The following TTC13 variants were observed in gnomAD, a reference collection of about 807,000 sequenced individuals.
TTC13 encodes tetratricopeptide repeat protein 13.
Under a neutral mutation model 120.0 loss-of-function variants are expected in TTC13, and 62 were observed. The ratio of observed to expected loss-of-function variants is 0.52; its 90% confidence interval spans 0.42 to 0.64. TTC13 has a LOEUF of 0.64. Ranked by LOEUF, TTC13 falls within the 30% of genes least tolerant of loss-of-function variation. The pLI is 0.00. For synonymous variants in TTC13, 384 were observed against 393.5 expected, an observed-to-expected ratio of 0.98 and a Z score of 0.28; for missense variants, 824 against 1,050.2, an observed-to-expected ratio of 0.78 and a Z score of 2.98.
At chr1:230,969,231 C>T (rs1677470908) in intron 1 of TTC13, among the ~76,000 whole-genome samples, 1 of 151,742 alleles carries the variant, frequency 6.6e-6, no homozygotes, top group South Asian at 2.1e-4. Context: ...CACTGCACTC[C>T]AGCCTGGGTG....
At chr1:230,953,490 G>A (rs562469441) in intron 4 of TTC13, among the ~76,000 whole-genome samples, 93 of 152,278 alleles carry the variant, frequency 6.1e-4, no homozygotes, top group African/African-American at 2.2e-3. Context: ...CAGGCACTGG[G>A]TACTAAGTAC....
intron 1 of TTC13, among the ~76,000 whole-genome samples, chr1:230,970,829 C>T (rs1007181230): frequency 1.3e-5 from 2 of 152,180 alleles, no homozygotes; most frequent in Non-Finnish European, 2.9e-5. Context: ...AGACAGCACA[C>T]TGAGCTACTT....
intron 1 of TTC13, among the ~76,000 whole-genome samples, chr1:230,964,313 G>C (rs1305650013): frequency 2.0e-5 from 3 of 152,008 alleles, no homozygotes; most frequent in Non-Finnish European, 4.4e-5. Context: ...CAAGTCAAAG[G>C]GTGTGCACAA....
intron 2 of TTC13, 133 bp downstream of exon 2, chr1:230,961,076 G>A (rs1286262165): frequency 5.0e-6 from 3 of 604,682 alleles, no homozygotes; most frequent in South Asian, 4.2e-5. Flanking sequence ...AATACCAGAC[G>A]ACCTATCTTT....
At chr1:230,920,469 T>C in intron 17 of TTC13, 41 bp downstream of exon 17, 1 of 1,436,226 alleles carries the variant, frequency 7.0e-7, no homozygotes. Flanking sequence ...GGTTTTCTTT[T>C]CCTCTAAAAA....
At chr1:230,918,594 G>A (rs1410931317) in intron 17 of TTC13, among the ~76,000 whole-genome samples, 1 of 152,170 alleles carries the variant, frequency 6.6e-6, no homozygotes, top group African/African-American at 2.4e-5. Context: ...TGTTTACTGA[G>A]TCAACGCAGT....
chr1:230,908,413 C>G, intron 22 of TTC13: 1 of 489,022 alleles, frequency 2.0e-6, no homozygotes, highest in Non-Finnish European at 4.0e-6. Context: ...TGGTCTCGAA[C>G]TCCTGGCCTC....
chr1:230,949,063 C>G (rs1047550782), intron 4 of TTC13, among the ~76,000 whole-genome samples: 1 of 152,074 alleles, frequency 6.6e-6, no homozygotes, highest in African/African-American at 2.4e-5. Flanking sequence ...ATTATTTACT[C>G]AGGGCCTACT....
At chr1:230,937,736 A>G (rs994695349) in intron 8 of TTC13, among the ~76,000 whole-genome samples, 1 of 152,248 alleles carries the variant, frequency 6.6e-6, no homozygotes, top group African/African-American at 2.4e-5. Flanking sequence ...TCACAGATAA[A>G]ATAATCTATA....
At chr1:230,930,686 G>A (rs375464051) in intron 11 of TTC13, among the ~76,000 whole-genome samples, 1 of 152,166 alleles carries the variant, frequency 6.6e-6, no homozygotes, top group African/African-American at 2.4e-5. Context: ...TTGGGAGGCC[G>A]AGGCAGGTGG....
Position 230,978,815 on chromosome 1 carries a change from A to AGCC in TTC13, c.13_15dup (p.Gly5dup). ...CCCCAGAAGCAGCAGCAGCAGCAGC[A>AGCC]GCCGGCAGGTGCCATCTTCCCTCAA... is the stretch of plus-strand genomic sequence containing the variant. On this transcript the variant is annotated inframe_insertion, in exon 1 of 23. Coordinates refer to ENST00000366661, the MANE Select transcript of TTC13 (RefSeq NM_024525.5). The surrounding 1 kb of genome is among the most constrained non-coding windows in gnomAD (Gnocchi z 5.6). 2 of 1,486,056 alleles carry AGCC rather than the reference A, an allele frequency of 1.3e-6. No individual in the cohort carries two copies. The highest frequency in any genetic ancestry group is 2.9e-5 in the African/African-American group (2 of 68,482). The allele number at this position is 1,486,056 out of a possible 1,614,324, so 92.1% of individuals were successfully genotyped here. A position where few individuals can be genotyped will look rare whatever the true frequency, so the allele number is the denominator to read the frequency against.
chr1:230,908,569 G>A, intron 22 of TTC13, 143 bp downstream of exon 22: 1 of 677,428 alleles, frequency 1.5e-6, no homozygotes, highest in South Asian at 1.9e-5. Flanking sequence ...CCTTGAAAAA[G>A]TGAATTAAAT....
rs576645737 is a variant in TTC13 at position 230,906,780 on chromosome 1, C to A, written c.*125G>T. 31 of 423,364 alleles carry A rather than the reference C, an allele frequency of 7.3e-5. No homozygotes were observed. The highest frequency in any genetic ancestry group is 1.0e-4 in the Non-Finnish European group (24 of 233,174). 26.2% of individuals were successfully genotyped at this position (423,364 alleles called of 1,614,324 possible). A position where few individuals can be genotyped will look rare whatever the true frequency, so the allele number is the denominator to read the frequency against. ...AGTAAAGAAAATGATTTCAAGTATT[C>A]AATTCCTATAAAAATTGGTATCAAA... On this transcript the variant is annotated 3_prime_UTR_variant, in exon 23 of 23. Coordinates refer to ENST00000366661, the MANE Select transcript of TTC13 (RefSeq NM_024525.5).
At position 230,971,207 on chromosome 1, in the gene TTC13, G is replaced by A. The variant is rs534467497; in HGVS notation, c.271+7353C>T. On this transcript the variant is annotated intron_variant, in intron 1 of 22. Transcript: ENST00000366661. ...AAAAATACAAAAAAATTAGCCGGGCGTGGTGGCGGGCGCCTGTAGTCCCAG... is the reference window on the plus strand; with the variant it reads ...AAAAATACAAAAAAATTAGCCGGGCATGGTGGCGGGCGCCTGTAGTCCCAG... Among the ~76,000 whole-genome samples, 15 of 151,886 alleles carry A rather than the reference G, an allele frequency of 9.9e-5. No homozygotes were observed. The South Asian group carries it at 2.3e-3, about 23-fold the overall frequency.
chr1:230,936,726 G>A (rs765142553), intron 8 of TTC13: 1 of 135,608 alleles, frequency 7.4e-6, no homozygotes, highest in Non-Finnish European at 1.6e-5. Context: ...TTTCTAAATT[G>A]CTGTTGGCCA....
chr1:230,945,282 C>T (rs2102895659), intron 5 of TTC13, 107 bp downstream of exon 5: 2 of 986,090 alleles, frequency 2.0e-6, no homozygotes, highest in East Asian at 2.4e-5. Flanking sequence ...TGATAGATAC[C>T]ACTCCACATC....
intron 12 of TTC13, among the ~76,000 whole-genome samples, chr1:230,926,328 C>T (rs2102814122): frequency 6.6e-6 from 1 of 152,090 alleles, no homozygotes; most frequent in Non-Finnish European, 1.5e-5. Context: ...GGGTCCTCTC[C>T]CAAGGAAGTC....
At chr1:230,949,680 C>T (rs1057406411) in intron 4 of TTC13, among the ~76,000 whole-genome samples, 3 of 151,954 alleles carry the variant, frequency 2.0e-5, no homozygotes, top group African/African-American at 7.2e-5. Context: ...CGAAGTCTCG[C>T]TGTCGCCCAG....
chr1:230,923,996 G>T, intron 14 of TTC13, 63 bp from the exon 15 acceptor site: 1 of 1,337,846 alleles, frequency 7.5e-7, no homozygotes, highest in Non-Finnish European at 1.1e-6. Context: ...AAAACATGTA[G>T]AAGTGTTTGC....
Sources: allele counts gnomAD v4.1 joint callset (sites outside exome capture counted in the v4.1 genomes callset), GRCh38; gene constraint gnomAD v4.1.1; non-coding constraint Gnocchi (gnomAD v3.1); transcripts MANE v1.5; gene names NCBI Gene and HGNC (gene_info 2026-07-23, HGNC 2026-07-21).